GRM8: variants seen among roughly 807,000 people sequenced by gnomAD.
GRM8 encodes metabotropic glutamate receptor 8.
In GRM8, 47 loss-of-function variants were observed where a neutral mutation model predicts 87.2. The ratio of observed to expected loss-of-function variants is 0.54; its 90% CI spans 0.43 to 0.69. The LOEUF (loss-of-function observed/expected upper bound fraction) is 0.69, where lower values mean the gene tolerates loss of function less well. GRM8 is among the 30% of genes least tolerant of loss of function. GRM8 has a pLI of 0.00. For synonymous variants in GRM8, 396 were observed against 404.5 expected (o/e 0.98, Z 0.25); for missense variants, 1,019 against 1,139.2 (o/e 0.89, Z 1.52).
At chr7:127,156,268 A>C (rs1375757617) in intron 2 of GRM8, among the ~76,000 whole-genome samples, 1 of 152,116 alleles carries the variant, frequency 6.6e-6, no homozygotes, top group African/African-American at 2.4e-5. Context: ...GAATAGCAGC[A>C]CCAGCCCACC....
chr7:127,134,150 A>T (rs1328565052), intron 2 of GRM8, among the ~76,000 whole-genome samples: 1 of 152,240 alleles, frequency 6.6e-6, no homozygotes, highest in African/African-American at 2.4e-5. Flanking sequence ...CTGACTAGGC[A>T]TTAGCTGCTA....
At chr7:126,866,843 GCC>G (rs1798642569) in intron 6 of GRM8, among the ~76,000 whole-genome samples, 1 of 151,904 alleles carries the variant, frequency 6.6e-6, no homozygotes, top group Non-Finnish European at 1.5e-5. Flanking sequence ...ACCCACCTCG[GCC>G]TCCCAAAGTG....
chr7:126,853,021 T>C (rs1222075479), intron 6 of GRM8, among the ~76,000 whole-genome samples: 1 of 152,176 alleles, frequency 6.6e-6, no homozygotes, highest in East Asian at 1.9e-4. Flanking sequence ...ATTTTCAAAG[T>C]TCAGAGAAAA....
In GRM8 at chr7:126,952,566, C is replaced by T. The variant is rs1320610056; in HGVS notation, c.728-47883G>A. Among the ~76,000 whole-genome samples the T allele has an allele frequency of 2.0e-5, 3 of 151,904 alleles. No individual in the cohort carries two copies. The East Asian group carries it at 5.8e-4, about 29-fold the overall frequency. ...AAGATACTAACTATAAAGTGGAGAA[C>T]CCAGCAGAAACCACCTTAATCAAGT... On this transcript the variant is annotated intron_variant, in intron 3 of 10. Transcript: ENST00000339582.
intron 9 of GRM8, among the ~76,000 whole-genome samples, chr7:126,532,422 ATAAACTCTGC>A (rs1054036048): frequency 9.2e-5 from 14 of 152,150 alleles, no homozygotes; most frequent in African/African-American, 3.1e-4. Flanking sequence ...TTATTTCACT[ATAAACTCTGC>A]TTCCATGACT....
intron 3 of GRM8, among the ~76,000 whole-genome samples, chr7:126,969,842 A>G (rs149869800): frequency 8.1e-4 from 124 of 152,318 alleles, no homozygotes; most frequent in Middle Eastern, 6.8e-3. Context: ...TTCCTAAATA[A>G]TGAGACTTGA....
At chr7:126,459,759 C>A (rs1803682626) in intron 9 of GRM8, among the ~76,000 whole-genome samples, 1 of 151,386 alleles carries the variant, frequency 6.6e-6, no homozygotes, top group Admixed American at 6.6e-5. Context: ...GGCCCCTTTA[C>A]TAAGGACAGC....
At chr7:126,646,963 T>C (rs936269059) in intron 7 of GRM8, among the ~76,000 whole-genome samples, 2 of 152,294 alleles carry the variant, frequency 1.3e-5, no homozygotes, top group African/African-American at 2.4e-5. Context: ...TATATTTACT[T>C]TGAGCCATCA....
intron 3 of GRM8, among the ~76,000 whole-genome samples, chr7:127,044,836 ATCTTTT>A (rs1229745114): frequency 6.6e-6 from 1 of 152,230 alleles, no homozygotes; most frequent in African/African-American, 2.4e-5. Flanking sequence ...ATTTTCTTCA[ATCTTTT>A]TCTTTAGTAC....
At chr7:126,745,803 T>A (rs545909896) in intron 7 of GRM8, among the ~76,000 whole-genome samples, 9 of 151,912 alleles carry the variant, frequency 5.9e-5, no homozygotes, top group Non-Finnish European at 1.3e-4. Flanking sequence ...TCCTCTTACC[T>A]TGTGTTTCTC....
intron 3 of GRM8, among the ~76,000 whole-genome samples, chr7:127,100,696 G>A (rs1357709768): frequency 6.6e-6 from 1 of 152,104 alleles, no homozygotes; most frequent in Non-Finnish European, 1.5e-5. Flanking sequence ...CAGACCTCAT[G>A]AGTCTTATTC....
intron 8 of GRM8, among the ~76,000 whole-genome samples, chr7:126,552,317 A>T (rs12154335): frequency 0.32 from 48,434 of 151,924 alleles, 8,391 homozygotes; most frequent in East Asian, 0.44. Flanking sequence ...GTACCTTAAA[A>T]ATGCCTTATA....
At chr7:126,832,606 C>T (rs1006685922) in intron 6 of GRM8, among the ~76,000 whole-genome samples, 16 of 152,122 alleles carry the variant, frequency 1.1e-4, no homozygotes, top group African/African-American at 3.9e-4. Flanking sequence ...CAAACATAGT[C>T]ATAGTACTAA....
At chr7:126,853,835 C>A (rs894416979) in intron 6 of GRM8, among the ~76,000 whole-genome samples, 1 of 152,156 alleles carries the variant, frequency 6.6e-6, no homozygotes, top group Non-Finnish European at 1.5e-5. Flanking sequence ...TTTCCTCTTT[C>A]CTCTCTCTCC....
chr7:126,735,391 A>G (rs1241655738), intron 7 of GRM8, among the ~76,000 whole-genome samples: 1 of 152,070 alleles, frequency 6.6e-6, no homozygotes, highest in Non-Finnish European at 1.5e-5. Context: ...AATAATAATA[A>G]AATTAAGTTC....
chr7:126,951,177 C>T (rs1808104047), intron 3 of GRM8, among the ~76,000 whole-genome samples: 1 of 152,012 alleles, frequency 6.6e-6, no homozygotes, highest in Admixed American at 6.6e-5. Context: ...TTATGTTACT[C>T]CTTGTATAAG....
At chr7:127,108,054 G>C (rs1432859032) in intron 2 of GRM8, among the ~76,000 whole-genome samples, 1 of 152,090 alleles carries the variant, frequency 6.6e-6, no homozygotes, top group African/African-American at 2.4e-5. Context: ...CTCCTAGTGG[G>C]GACTGTGTTA....
chr7:126,659,685 T>G (rs1184895046), intron 7 of GRM8, among the ~76,000 whole-genome samples: 1 of 152,242 alleles, frequency 6.6e-6, no homozygotes, highest in Non-Finnish European at 1.5e-5. Flanking sequence ...TTCATTTTAT[T>G]CTTAAAACAT....
intron 9 of GRM8, chr7:126,465,171 T>G (rs1171556398): frequency 6.6e-6 from 1 of 151,796 alleles, no homozygotes; most frequent in Admixed American, 6.6e-5. Context: ...TCCATTGGGC[T>G]ATTTTTCCAT....
Sources: allele counts gnomAD v4.1 joint callset (sites outside exome capture counted in the v4.1 genomes callset), GRCh38; gene constraint gnomAD v4.1.1; transcripts MANE v1.5; gene names NCBI Gene and HGNC (gene_info 2026-07-23, HGNC 2026-07-21).